Variants in CDH8 observed in about 807,000 individuals in gnomAD.
CDH8 encodes cadherin-8.
CDH8 carries 17 observed loss-of-function variants against 68.1 expected under a neutral mutation model. The observed-to-expected ratio is 0.25, with a 90% confidence interval of 0.17 to 0.37. CDH8 has a LOEUF of 0.37. Among genes scored for constraint, CDH8 ranks in the 10% least tolerant of loss-of-function variants. The pLI is 1.00. For synonymous variants in CDH8, 372 were observed against 365.1 expected (o/e 1.02, Z -0.21); for missense variants, 763 against 999.3 (o/e 0.76, Z 3.19).
At chr16:61,823,612 C>T (rs2143001156) in intron 5 of CDH8, among the ~76,000 whole-genome samples, 1 of 151,980 alleles carries the variant, frequency 6.6e-6, no homozygotes, top group Admixed American at 6.6e-5. Flanking sequence ...TGGAGGAAGG[C>T]CAGATTTAAT....
intron 3 of CDH8, among the ~76,000 whole-genome samples, chr16:61,896,312 T>C (rs112599261): frequency 1.3e-5 from 2 of 152,342 alleles, no homozygotes; most frequent in South Asian, 2.1e-4. Context: ...TATATGTGCG[T>C]TTTGTCTTGA....
At position 61,897,505 on chromosome 16, in the gene CDH8, T is replaced by C. The variant is rs907539728; in HGVS notation, c.547+3674A>G. ...GTCCTTTTCTTATCTGAAAATGGAC[T>C]TGATGTTTGCAGATATTTCTGCAGT... On this transcript the variant is annotated intron_variant, in intron 3 of 11. Transcript: ENST00000577390. Among the ~76,000 whole-genome samples, 5 of 152,224 alleles carry C rather than the reference T, an allele frequency of 3.3e-5. No individual in the cohort carries two copies. In the South Asian group the frequency reaches 1.0e-3, roughly 32 times the overall value.
chr16:62,013,338 G>T (rs910262403), intron 2 of CDH8, among the ~76,000 whole-genome samples: 7 of 151,684 alleles, frequency 4.6e-5, no homozygotes, highest in Admixed American at 3.9e-4. Flanking sequence ...ATGCATTTGT[G>T]GGGGTGAAGG....
chr16:61,691,306 T>C (rs1238774797), intron 10 of CDH8, among the ~76,000 whole-genome samples: 1 of 152,056 alleles, frequency 6.6e-6, no homozygotes, highest in Non-Finnish European at 1.5e-5. Flanking sequence ...ATTGCTGCAC[T>C]GATTTTACCT....
intron 3 of CDH8, among the ~76,000 whole-genome samples, chr16:61,899,648 G>A (rs1046820227): frequency 6.6e-6 from 1 of 152,018 alleles, no homozygotes. Flanking sequence ...AGGAGTACGC[G>A]ACAAAATAAG....
At chr16:62,031,677 A>AACACACAC (rs10528241) in intron 1 of CDH8, among the ~76,000 whole-genome samples, 1,745 of 150,014 alleles carry the variant, frequency 0.012, 16 homozygotes, top group African/African-American at 0.027. Flanking sequence ...CACACCCACA[A>AACACACAC]ACACACACAC....
chr16:61,873,560 C>T (rs986771289), intron 3 of CDH8, among the ~76,000 whole-genome samples: 2 of 152,328 alleles, frequency 1.3e-5, no homozygotes, highest in African/African-American at 4.8e-5. Context: ...CAGTCCCTGA[C>T]TTATGACGGG....
intron 1 of CDH8, among the ~76,000 whole-genome samples, chr16:62,024,317 T>C (rs1902144258): frequency 6.6e-6 from 1 of 152,046 alleles, no homozygotes. Context: ...ACAGGTTGGT[T>C]TTGAGGACTA....
chr16:61,933,904 T>C (rs1222581037), intron 2 of CDH8, among the ~76,000 whole-genome samples: 3 of 152,306 alleles, frequency 2.0e-5, no homozygotes, highest in African/African-American at 7.2e-5. Context: ...TAAAAATACA[T>C]GGATTTATTT....
At chr16:62,025,949 A>T (rs1045859760) in intron 1 of CDH8, among the ~76,000 whole-genome samples, 3 of 152,146 alleles carry the variant, frequency 2.0e-5, no homozygotes, top group African/African-American at 7.2e-5. Flanking sequence ...CAGGGAGATT[A>T]GTATTTTAAG....
At chr16:61,882,583 G>T (rs186664914) in intron 3 of CDH8, among the ~76,000 whole-genome samples, 73 of 152,258 alleles carry the variant, frequency 4.8e-4, no homozygotes, top group Non-Finnish European at 8.7e-4. Context: ...AACATGGATG[G>T]AACTGGAGGC....
At chr16:61,875,453 C>T (rs1963442218) in intron 3 of CDH8, among the ~76,000 whole-genome samples, 1 of 152,104 alleles carries the variant, frequency 6.6e-6, no homozygotes, top group Non-Finnish European at 1.5e-5. Context: ...GACATACACT[C>T]AAGTTGAAGA....
intron 7 of CDH8, among the ~76,000 whole-genome samples, chr16:61,816,151 G>C (rs144970341): frequency 6.6e-6 from 1 of 152,168 alleles, no homozygotes; most frequent in East Asian, 1.9e-4. Flanking sequence ...CTCTTCTGCA[G>C]GAAGAGTCTT....
intron 7 of CDH8, among the ~76,000 whole-genome samples, chr16:61,811,261 A>G (rs1357046883): frequency 3.3e-5 from 5 of 152,216 alleles, no homozygotes; most frequent in African/African-American, 1.2e-4. Context: ...GTTTCTGAAT[A>G]TGTGACTTAA....
At chr16:61,686,359 G>C (rs530388622) in intron 10 of CDH8, among the ~76,000 whole-genome samples, 16 of 152,034 alleles carry the variant, frequency 1.1e-4, no homozygotes, top group Admixed American at 5.9e-4. Context: ...AGAATTGATT[G>C]CCACAACTAT....
At chr16:61,972,520 T>C (rs554218524) in intron 2 of CDH8, among the ~76,000 whole-genome samples, 1 of 151,326 alleles carries the variant, frequency 6.6e-6, no homozygotes, top group African/African-American at 2.4e-5. Context: ...TGTACCTCTC[T>C]TCTTCTCTTA....
chr16:61,749,774 T>C (rs1244158768), intron 8 of CDH8, among the ~76,000 whole-genome samples: 1 of 152,112 alleles, frequency 6.6e-6, no homozygotes, highest in Admixed American at 6.6e-5. Context: ...GAGATCCTGA[T>C]ACCTCTGTGT....
At chr16:61,845,673 G>A (rs576900514) in intron 4 of CDH8, among the ~76,000 whole-genome samples, 1 of 152,100 alleles carries the variant, frequency 6.6e-6, no homozygotes, top group Non-Finnish European at 1.5e-5. Flanking sequence ...TCACACTTAA[G>A]ATTCTGAATG....
intron 3 of CDH8, among the ~76,000 whole-genome samples, chr16:61,900,534 G>A (rs1963950853): frequency 6.6e-6 from 1 of 152,080 alleles, no homozygotes; most frequent in African/African-American, 2.4e-5. Flanking sequence ...TTCCAAAGAG[G>A]GAGAAACAAG....
Sources: allele counts gnomAD v4.1 joint callset (sites outside exome capture counted in the v4.1 genomes callset), GRCh38; gene constraint gnomAD v4.1.1; transcripts MANE v1.5; gene names NCBI Gene and HGNC (gene_info 2026-07-23, HGNC 2026-07-21).